Variants in ITPR2 observed in about 807,000 individuals in gnomAD.
ITPR2 encodes inositol 1,4,5-trisphosphate-gated calcium channel ITPR2.
In ITPR2, 207 loss-of-function variants were observed where a neutral mutation model predicts 317.1. The observed-to-expected ratio is 0.65, with a 90% CI of 0.58 to 0.73. ITPR2 has a LOEUF of 0.73. Ranked by LOEUF, ITPR2 falls within the 30% of genes least tolerant of loss-of-function variation. The probability of loss-of-function intolerance (pLI) is 0.00; values close to 1 mark genes in which losing one functional copy is unlikely to be tolerated. For missense variants in ITPR2, 2,613 were observed against 3,284.0 expected, an observed-to-expected ratio of 0.80 and a Z score of 4.99; for synonymous variants, 1,156 against 1,149.1, an observed-to-expected ratio of 1.01 and a Z score of -0.12.
At chr12:26,782,248 CA>C (rs1191442267) in intron 2 of ITPR2, among the ~76,000 whole-genome samples, 1 of 151,486 alleles carries the variant, frequency 6.6e-6, no homozygotes, top group Non-Finnish European at 1.5e-5. Context: ...TCTCATTAGA[CA>C]AAACTCAAAT....
chr12:26,704,111 TA>T (rs1444341857), intron 9 of ITPR2, among the ~76,000 whole-genome samples: 5 of 152,226 alleles, frequency 3.3e-5, no homozygotes, highest in Non-Finnish European at 7.3e-5. Flanking sequence ...CTATATTATT[TA>T]AAAGACCACA....
chr12:26,551,017 G>T (rs1450982438), intron 36 of ITPR2, among the ~76,000 whole-genome samples: 2 of 152,182 alleles, frequency 1.3e-5, no homozygotes, highest in South Asian at 2.1e-4. Flanking sequence ...GTTAGGAGAA[G>T]AGTTTCAAGA....
intron 46 of ITPR2, among the ~76,000 whole-genome samples, chr12:26,440,562 C>G (rs946151180): frequency 6.6e-6 from 1 of 151,934 alleles, no homozygotes. Context: ...CTGAAGGTAT[C>G]CTAAATGATA....
At chr12:26,541,261 G>A (rs1027067466) in intron 37 of ITPR2, among the ~76,000 whole-genome samples, 1 of 151,996 alleles carries the variant, frequency 6.6e-6, no homozygotes, top group Non-Finnish European at 1.5e-5. Flanking sequence ...AGGTTGCAGT[G>A]AGCTGAGATC....
chr12:26,798,198 A>G (rs1950488348), intron 1 of ITPR2, among the ~76,000 whole-genome samples: 2 of 152,074 alleles, frequency 1.3e-5, no homozygotes, highest in Admixed American at 1.3e-4. Flanking sequence ...ACCTGCACTT[A>G]GAAGCAGCAG....
chr12:26,498,972 G>A (rs1316633492), intron 37 of ITPR2, among the ~76,000 whole-genome samples: 1 of 152,154 alleles, frequency 6.6e-6, no homozygotes, highest in African/African-American at 2.4e-5. Flanking sequence ...AAAGTTCTGG[G>A]ATTACAGACA....
chr12:26,418,730 A>G (rs1940799871), intron 50 of ITPR2, among the ~76,000 whole-genome samples: 1 of 152,180 alleles, frequency 6.6e-6, no homozygotes, highest in South Asian at 2.1e-4. Flanking sequence ...CACACTGTAG[A>G]GAATCTTTAA....
At chr12:26,681,831 G>A (rs2136960860) in intron 13 of ITPR2, 43 bp downstream of exon 13, 1 of 1,419,746 alleles carries the variant, frequency 7.0e-7, no homozygotes, top group Non-Finnish European at 9.9e-7. Context: ...TATAACAATT[G>A]ACAACTGACT....
chr12:26,760,699 T>C (rs550854834), intron 2 of ITPR2, among the ~76,000 whole-genome samples: 54 of 152,324 alleles, frequency 3.5e-4, no homozygotes, highest in African/African-American at 1.2e-3. Flanking sequence ...TTATTATCTG[T>C]GTTCTGTGGT....
intron 45 of ITPR2, among the ~76,000 whole-genome samples, chr12:26,459,017 G>C (rs140247665): frequency 6.6e-6 from 1 of 152,314 alleles, no homozygotes; most frequent in Non-Finnish European, 1.5e-5. Context: ...TCCTAGTCTG[G>C]TAGATAAAGA....
chr12:26,664,746 TATTA>T (rs1435660082), intron 14 of ITPR2, among the ~76,000 whole-genome samples: 1 of 152,174 alleles, frequency 6.6e-6, no homozygotes, highest in Non-Finnish European at 1.5e-5. Context: ...GTTAAAATAT[TATTA>T]ATTAATTATC....
chr12:26,414,861 T>C (rs994715971), intron 51 of ITPR2, among the ~76,000 whole-genome samples: 3 of 152,126 alleles, frequency 2.0e-5, no homozygotes, highest in Non-Finnish European at 2.9e-5. Context: ...TGGTTTCAAA[T>C]CAAAGCATTT....
intron 26 of ITPR2, among the ~76,000 whole-genome samples, chr12:26,613,915 G>A (rs1946323538): frequency 6.6e-6 from 1 of 152,156 alleles, no homozygotes; most frequent in African/African-American, 2.4e-5. Context: ...GTGTCCCACA[G>A]TGCTTCACAG....
intron 41 of ITPR2, among the ~76,000 whole-genome samples, chr12:26,484,637 AT>A (rs1309380979): frequency 6.6e-6 from 1 of 152,226 alleles, no homozygotes; most frequent in African/African-American, 2.4e-5. Flanking sequence ...ACCAATAAAC[AT>A]AACCTGGCAA....
intron 1 of ITPR2, among the ~76,000 whole-genome samples, chr12:26,829,237 T>C (rs1013957530): frequency 1.3e-5 from 2 of 152,182 alleles, no homozygotes; most frequent in African/African-American, 2.4e-5. Context: ...ATAAAAAAAA[T>C]TAACGCTTTC....
chr12:26,364,599 T>A (rs1019064183), intron 55 of ITPR2, among the ~76,000 whole-genome samples: 5 of 152,164 alleles, frequency 3.3e-5, no homozygotes, highest in Non-Finnish European at 7.3e-5. Flanking sequence ...TCTGGTCAAC[T>A]ATTCAAATCA....
At chr12:26,518,183 C>T (rs575060635) in intron 37 of ITPR2, among the ~76,000 whole-genome samples, 3 of 152,298 alleles carry the variant, frequency 2.0e-5, no homozygotes, top group African/African-American at 7.2e-5. Context: ...AAATACTACA[C>T]AGCCCTAAAA....
intron 28 of ITPR2, 69 bp downstream of exon 28, chr12:26,602,301 G>T: frequency 6.5e-7 from 1 of 1,526,728 alleles, no homozygotes; most frequent in South Asian, 1.2e-5. Flanking sequence ...AAATTTCTTG[G>T]AACTTTGCAA....
intron 52 of ITPR2, among the ~76,000 whole-genome samples, chr12:26,410,888 A>G (rs1000445055): frequency 6.6e-6 from 1 of 152,200 alleles, no homozygotes; most frequent in African/African-American, 2.4e-5. Context: ...AGTCATCTGA[A>G]CAAAGTCCAG....
Sources: allele counts gnomAD v4.1 joint callset (sites outside exome capture counted in the v4.1 genomes callset), GRCh38; gene constraint gnomAD v4.1.1; transcripts MANE v1.5; gene names NCBI Gene and HGNC (gene_info 2026-07-23, HGNC 2026-07-21).